IFIH1: variants seen among roughly 807,000 people sequenced by gnomAD.
IFIH1 encodes the protein interferon induced with helicase C domain 1.
Under a neutral mutation model 107.4 loss-of-function variants are expected in IFIH1, and 125 were observed. The ratio of observed to expected loss-of-function variants is 1.16; its 90% CI spans 1.01 to 1.35. IFIH1 has a LOEUF of 1.35. IFIH1 is among the 40% of genes most tolerant of loss of function. The pLI, the probability that IFIH1 is intolerant of heterozygous loss-of-function variation, is 0.00. For missense variants in IFIH1, 1,333 were observed against 1,213.7 expected, an observed-to-expected ratio of 1.10 and a Z score of -1.46; for synonymous variants, 458 against 413.2, an observed-to-expected ratio of 1.11 and a Z score of -1.31.
rs78297174 is a variant in IFIH1, at chr2:162,277,078, T to G, written c.2045-132A>C. On this transcript the variant is annotated intron_variant, in intron 10 of 15. Transcript: ENST00000649979. Reference sequence around the variant, plus strand: ...ATTAAAAATTAATTAATTTAAAAACTATTTGGAAGTATAAATTAGTAAAAC... The same window carrying G: ...ATTAAAAATTAATTAATTTAAAAACGATTTGGAAGTATAAATTAGTAAAAC... 9.7e-3 allele frequency: 6,586 copies of G among 681,332 alleles called. 345 individuals are homozygous for G. In the East Asian group the frequency reaches 0.14, roughly 14 times the overall value. 42.2% of individuals were successfully genotyped at this position (681,332 alleles called of 1,614,324 possible).
intron 4 of IFIH1, among the ~76,000 whole-genome samples, chr2:162,289,112 A>G (rs944312781): frequency 1.3e-5 from 2 of 151,976 alleles, no homozygotes; most frequent in African/African-American, 4.8e-5. Context: ...GGTTTAAACT[A>G]AATCATGACT....
rs112279350 is a variant in IFIH1 at position 162,286,422 on chromosome 2, C to T, written c.1095+1713G>A. 3.2e-3 allele frequency among the ~76,000 whole-genome samples: 486 copies of T among 151,966 alleles called. 3 individuals carry two copies. The highest frequency in any genetic ancestry group is 0.011 in the African/African-American group (459 of 41,502). On this transcript the variant is annotated intron_variant, in intron 5 of 15. Transcript: ENST00000649979. ...GGACCTCCTTGATATTAGGAAGTTACCCTGCAGAAGTGAGAGAACCACTCT... is the reference window on the plus strand; with the variant it reads ...GGACCTCCTTGATATTAGGAAGTTATCCTGCAGAAGTGAGAGAACCACTCT...
chr2:162,281,617 T>C, intron 6 of IFIH1, 72 bp from the exon 7 acceptor site: 1 of 1,119,062 alleles, frequency 8.9e-7, no homozygotes. Flanking sequence ...TTTAGACCAG[T>C]AATTGAGCTG....
chr2:162,316,549 C>A (rs1349045270), intron 1 of IFIH1, among the ~76,000 whole-genome samples: 1 of 152,132 alleles, frequency 6.6e-6, no homozygotes, highest in Non-Finnish European at 1.5e-5. Flanking sequence ...CAAAAGATCA[C>A]TAACTTTATT....
intron 4 of IFIH1, among the ~76,000 whole-genome samples, chr2:162,292,472 A>G (rs1049948825): frequency 8.6e-5 from 13 of 151,840 alleles, no homozygotes; most frequent in African/African-American, 3.1e-4. Flanking sequence ...TCATTGTGAT[A>G]AAAGGATATA....
In IFIH1 at chr2:162,314,396, C is replaced by CTT. The variant is rs1382882893; in HGVS notation, c.453+3458_453+3459insAA. Among the ~76,000 whole-genome samples the CTT allele has an allele frequency of 7.6e-3, 503 of 66,618 alleles. 56 individuals carry two copies. The highest frequency in any genetic ancestry group is 0.02 in the African/African-American group (231 of 11,544). 43.7% of individuals were successfully genotyped at this position (66,618 alleles called of 152,430 possible). ...CCTCCCTCCCTCCCTCCCTCCCTCC[C>CTT]TCCTTTCTTTCTTTCTTTCTTTTCT... On this transcript the variant is annotated intron_variant, in intron 1 of 15. Coordinates refer to ENST00000649979, the MANE Select transcript of IFIH1 (RefSeq NM_022168.4).
chr2:162,284,971 A>G (rs1459330261), intron 5 of IFIH1, among the ~76,000 whole-genome samples: 1 of 151,958 alleles, frequency 6.6e-6, no homozygotes, highest in Non-Finnish European at 1.5e-5. Flanking sequence ...GAACAAAAAG[A>G]AGTTGTCACA....
Position 162,267,368 on chromosome 2 carries a change from T to G in IFIH1, c.2910A>C (p.Thr970=). Residue 970 remains threonine (T), a synonymous_variant, in exon 16 of 16, where the codon ACA becomes ACC. Coordinates refer to ENST00000649979, the MANE Select transcript of IFIH1 (RefSeq NM_022168.4). ...AATCTAAGCCTTTGTGCACCATCAT[T>G]GTTCCCCAAGCCTGGAAAACAAAAG... ...IICKCGQAWG[T]MMVHKGLDLP... 6.2e-7 allele frequency: 1 copy of G among 1,613,950 alleles called. No homozygotes were observed. Among genetic ancestry groups the G allele is most frequent in the Non-Finnish European group, 8.5e-7 (1 of 1,179,966 alleles).
At chr2:162,291,571 C>T (rs948774459) in intron 4 of IFIH1, among the ~76,000 whole-genome samples, 1 of 151,672 alleles carries the variant, frequency 6.6e-6, no homozygotes. Flanking sequence ...TCTACTATGG[C>T]ATAACACTTC....
rs13421543 is a variant in IFIH1, at chr2:162,278,782, C to T, written c.1642-454G>A. Among the ~76,000 whole-genome samples, 399 of 152,136 alleles carry T rather than the reference C, an allele frequency of 2.6e-3. 3 individuals carry two copies. Among genetic ancestry groups the T allele is most frequent in the African/African-American group, 9.3e-3 (388 of 41,512 alleles). On this transcript the variant is annotated intron_variant, in intron 8 of 15. Transcript: ENST00000649979. ...AAAGCCAGAAATAAAGGAGTGCATG[C>T]TATATGATTCCATTTATATAAAGTT...
chr2:162,277,576 G>A lies in IFIH1; in HGVS notation c.1883C>T (p.Thr628Ile), dbSNP rs545610093. The change falls in exon 10 of 16, where the codon ACT becomes ATT. Residue 628 changes from threonine to isoleucine, a missense_variant. Coordinates refer to ENST00000649979, the MANE Select transcript of IFIH1 (RefSeq NM_022168.4). ...RMIDAYTHLETFYNEEKDKKF... is the reference protein window; with the variant it reads ...RMIDAYTHLEIFYNEEKDKKF... ...CTTATCTTTCTCTTCATTATAGAAA[G>A]TTTCAAGATGAGTATACGCATCTAT... The A allele has an allele frequency of 4.3e-6, 7 of 1,610,564 alleles. No individual in the cohort carries two copies. The African/African-American group carries it at 8.0e-5, about 18-fold the overall frequency.
intron 4 of IFIH1, among the ~76,000 whole-genome samples, chr2:162,289,931 G>A (rs978999354): frequency 1.3e-5 from 2 of 151,736 alleles, no homozygotes; most frequent in Admixed American, 1.3e-4. Flanking sequence ...TTTATGTAAG[G>A]CTCTGATTTA....
chr2:162,311,384 T>A (rs1683382433), intron 1 of IFIH1, among the ~76,000 whole-genome samples: 1 of 152,158 alleles, frequency 6.6e-6, no homozygotes, highest in Non-Finnish European at 1.5e-5. Context: ...ATCAAACATT[T>A]CTTATCTCCT....
chr2:162,294,823 C>G (rs751581325), intron 3 of IFIH1, among the ~76,000 whole-genome samples: 24 of 151,576 alleles, frequency 1.6e-4, no homozygotes, highest in Non-Finnish European at 3.4e-4. Context: ...TGAGGTAGCT[C>G]TTAGCTATTT....
rs192550125 is a variant in IFIH1, at chr2:162,295,023, A to C, written c.770-1355T>G. The stretch of plus-strand genomic sequence containing the variant: ...TTAAGATATAATTTACTTACTAAAA[A>C]GATTACTTTTTATGTTTATAGTTTG... On this transcript the variant is annotated intron_variant, in intron 3 of 15. Transcript: ENST00000649979. Among the ~76,000 whole-genome samples the C allele has an allele frequency of 3.3e-5, 5 of 152,128 alleles. No homozygotes were observed. In the East Asian group the frequency reaches 9.7e-4, roughly 29 times the overall value.
chr2:162,318,085 A>C lies in IFIH1; in HGVS notation c.223T>G (p.Trp75Gly). Residue 75 changes from tryptophan (W) to glycine (G), a missense_variant, in exon 1 of 16, where the codon TGG becomes GGG. Physicochemically the swap from Trp to Gly is radical, Grantham distance 184. Coordinates refer to ENST00000649979, the MANE Select transcript of IFIH1 (RefSeq NM_022168.4). ...TLEKGVWHLG[W>G]TREFVEALRR... ...AGGGCCTCCACGAATTCCCGAGTCC[A>C]ACCAAGGTGCCAGACTCCCTTCTCC... 2 of 1,614,206 alleles carry C rather than the reference A, an allele frequency of 1.2e-6. No homozygotes were observed. Among genetic ancestry groups the C allele is most frequent in the Non-Finnish European group, 1.7e-6 (2 of 1,180,032 alleles).
intron 3 of IFIH1, among the ~76,000 whole-genome samples, chr2:162,295,610 A>G (rs938105496): frequency 2.0e-5 from 3 of 152,054 alleles, no homozygotes; most frequent in African/African-American, 7.2e-5. Context: ...CAACATAAAT[A>G]TACTAATGTG....
chr2:162,304,234 A>C (rs1227830175), intron 3 of IFIH1, among the ~76,000 whole-genome samples: 2 of 152,166 alleles, frequency 1.3e-5, no homozygotes, highest in African/African-American at 4.8e-5. Context: ...CCAAGGCAGG[A>C]GGATTCCTTG....
chr2:162,292,902 A>G (rs759444916), intron 4 of IFIH1, among the ~76,000 whole-genome samples: 8 of 151,236 alleles, frequency 5.3e-5, no homozygotes, highest in Middle Eastern at 3.4e-3. Context: ...AAAGAAAGAA[A>G]CAATTTGAAA....
Sources: allele counts gnomAD v4.1 joint callset (sites outside exome capture counted in the v4.1 genomes callset), GRCh38; gene constraint gnomAD v4.1.1; transcripts MANE v1.5; gene names NCBI Gene and HGNC (gene_info 2026-07-23, HGNC 2026-07-21).